Variants in MLYCD observed in about 807,000 individuals in gnomAD.
The protein encoded by MLYCD is malonyl-CoA decarboxylase.
In MLYCD, 27 loss-of-function variants were observed where a neutral mutation model predicts 35.8. That is an observed-to-expected ratio of 0.75 (90% CI 0.56 to 1.04). The LOEUF is 1.04. MLYCD is among the 50% of genes least tolerant of loss of function. The pLI is 0.00. For missense variants in MLYCD, 917 were observed against 665.1 expected, an observed-to-expected ratio of 1.38 and a Z score of -4.17; for synonymous variants, 403 against 302.4, an observed-to-expected ratio of 1.33 and a Z score of -3.45.
chr16:83,916,362 ATGTG>A lies in MLYCD; in HGVS notation c.*877_*880del, dbSNP rs542585376. 1.3e-4 allele frequency: 27 copies of A among 203,988 alleles called. No individual in the cohort carries two copies. Among genetic ancestry groups the A allele is most frequent in the Middle Eastern group, 1.8e-3 (2 of 1,084 alleles). 12.6% of individuals were successfully genotyped at this position (203,988 alleles called of 1,614,324 possible). A position where few individuals can be genotyped will look rare whatever the true frequency, so the allele number is the denominator to read the frequency against. ...GGAAGGCAGTTGTGTTTGTGTGTGT[ATGTG>A]TGTATCAGTGCACATCTGTGTGCAT... On this transcript the variant is annotated 3_prime_UTR_variant, in exon 5 of 5. Transcript: ENST00000262430.
At chr16:83,903,819 C>T (rs1424329918) in intron 1 of MLYCD, among the ~76,000 whole-genome samples, 3 of 152,174 alleles carry the variant, frequency 2.0e-5, no homozygotes, top group African/African-American at 7.2e-5. Context: ...TGTCGCTGCC[C>T]TTAGCATCAC....
At chr16:83,911,282 TACAATTTCAGA>T (rs1645992358) in intron 3 of MLYCD, among the ~76,000 whole-genome samples, 1 of 152,346 alleles carries the variant, frequency 6.6e-6, no homozygotes, top group East Asian at 1.9e-4. Context: ...CCGGCCTCCA[TACAATTTCAGA>T]ACAATTTCAG....
At chr16:83,908,598 C>G (rs558360205) in intron 3 of MLYCD, among the ~76,000 whole-genome samples, 2 of 152,122 alleles carry the variant, frequency 1.3e-5, no homozygotes, top group Admixed American at 6.5e-5. Context: ...GGGACAGATA[C>G]CTGATTCATA....
At position 83,926,613 on chromosome 16, in the gene MLYCD, C is replaced by G. The variant is rs188727491; in HGVS notation, c.*11124C>G. 2.0e-5 allele frequency: 3 copies of G among 152,282 alleles called. No individual in the cohort carries two copies. Among genetic ancestry groups the G allele is most frequent in the African/African-American group, 7.2e-5 (3 of 41,462 alleles). 9.4% of individuals were successfully genotyped at this position (152,282 alleles called of 1,614,324 possible). The stretch of plus-strand genomic sequence containing the variant: ...GGCTGCCCAGCTGTGAACACAAGGA[C>G]ACCTCCGATTTCGTCCTGTGAATGT... On this transcript the variant is annotated 3_prime_UTR_variant, in exon 5 of 5. Coordinates refer to ENST00000262430, the MANE Select transcript of MLYCD (RefSeq NM_012213.3).
At chr16:83,911,269 C>T (rs1476415654) in intron 3 of MLYCD, among the ~76,000 whole-genome samples, 1 of 152,182 alleles carries the variant, frequency 6.6e-6, no homozygotes, top group Non-Finnish European at 1.5e-5. Flanking sequence ...TGAGCCACCG[C>T]GCCCGGCCTC....
At chr16:83,902,760 C>T (rs1263495121) in intron 1 of MLYCD, among the ~76,000 whole-genome samples, 1 of 152,194 alleles carries the variant, frequency 6.6e-6, no homozygotes, top group Non-Finnish European at 1.5e-5. Context: ...CCCGCCTTGG[C>T]CTTCCAAAGT....
chr16:83,907,992 G>C, intron 2 of MLYCD, 134 bp from the exon 3 acceptor site: 1 of 1,158,068 alleles, frequency 8.6e-7, no homozygotes, highest in Non-Finnish European at 1.2e-6. Flanking sequence ...GACTTTCTTT[G>C]AATTTTCCAG....
intron 2 of MLYCD, 105 bp from the exon 3 acceptor site, chr16:83,908,021 T>C (rs1907041050): frequency 1.4e-6 from 2 of 1,428,426 alleles, no homozygotes; most frequent in African/African-American, 1.4e-5. Context: ...ATTAAAGCTC[T>C]ATTTAAAGAA....
intron 4 of MLYCD, chr16:83,914,396 C>T (rs561099966): frequency 1.1e-4 from 19 of 177,248 alleles, no homozygotes; most frequent in Admixed American, 4.3e-4. Context: ...CGGGGCCTCA[C>T]AGGTGGCCAT....
In MLYCD at chr16:83,915,429, C is replaced by G. The variant is rs1482942324; in HGVS notation, c.1422C>G (p.Ile474Met). ...NSTSYLGSKI[I>M]KASEQVLSLV... Reference sequence around the variant, plus strand: ...CCTCCTACCTCGGCTCCAAGATCATCAAAGCCTCTGAGCAGGTCCTCAGCC... The same window carrying G: ...CCTCCTACCTCGGCTCCAAGATCATGAAAGCCTCTGAGCAGGTCCTCAGCC... The change falls in exon 5 of 5, where the codon ATC (isoleucine) becomes ATG (methionine). Residue 474 changes from isoleucine to methionine, a missense_variant. Coordinates refer to ENST00000262430, the MANE Select transcript of MLYCD (RefSeq NM_012213.3). 3 of 1,613,720 alleles carry G rather than the reference C, an allele frequency of 1.9e-6. No individual in the cohort carries two copies. The highest frequency in any genetic ancestry group is 2.5e-6 in the Non-Finnish European group (3 of 1,180,048).
chr16:83,907,022 A>G lies in MLYCD; in HGVS notation c.564A>G (p.Glu188=), dbSNP rs755379866. The stretch of plus-strand genomic sequence containing the variant: ...GGGTGCTGAAAGGAATGCTCTCAGA[A>G]TGGTTTTCCTCCGGGTTCCTGAACC... ...MNGVLKGMLS[E]WFSSGFLNLE... The change falls in exon 2 of 5, where the codon GAA becomes GAG. Residue 188 remains glutamate, a synonymous_variant. Coordinates refer to ENST00000262430, the MANE Select transcript of MLYCD (RefSeq NM_012213.3). 2 of 1,614,186 alleles carry G rather than the reference A, an allele frequency of 1.2e-6. No homozygotes were observed. Among genetic ancestry groups the G allele is most frequent in the Non-Finnish European group, 1.7e-6 (2 of 1,180,036 alleles).
Position 83,902,439 on chromosome 16 carries a change from C to G in MLYCD, c.528+2767C>G, listed in dbSNP as rs76417026. On this transcript the variant is annotated intron_variant, in intron 1 of 4. Transcript: ENST00000262430. Reference sequence around the variant, plus strand: ...GTACCTATAAACTATCAACTGGGATCTGATATTGTAACCTCTCACCAGAAT... The same window carrying G: ...GTACCTATAAACTATCAACTGGGATGTGATATTGTAACCTCTCACCAGAAT... 5.1e-3 allele frequency among the ~76,000 whole-genome samples: 767 copies of G among 150,536 alleles called. 5 individuals carry two copies. Among genetic ancestry groups the G allele is most frequent in the African/African-American group, 0.018 (719 of 40,982 alleles).
At position 83,921,796 on chromosome 16, in the gene MLYCD, C is replaced by G. The variant is rs1176951520; in HGVS notation, c.*6307C>G. On this transcript the variant is annotated 3_prime_UTR_variant, in exon 5 of 5. Coordinates refer to ENST00000262430, the MANE Select transcript of MLYCD (RefSeq NM_012213.3). ...ATTCTTACACATGTCATCTTTCCCA[C>G]AGTGGCAGTGCAGAGGAGACAAAAG... The G allele has an allele frequency of 6.6e-6, 1 of 152,238 alleles. No individual in the cohort carries two copies. The allele number at this position is 152,238 out of a possible 1,614,324, so 9.4% of individuals were successfully genotyped here.
rs1406201947 is a variant in MLYCD, at chr16:83,902,911, T to C, written c.528+3239T>C. On this transcript the variant is annotated intron_variant, in intron 1 of 4. Coordinates refer to ENST00000262430, the MANE Select transcript of MLYCD (RefSeq NM_012213.3). ...CTGAATGTAGAGGAGTTTGGAGGTATGTGTGTCCCTGTGGTTGCATGGTAG... is the reference window on the plus strand; with the variant it reads ...CTGAATGTAGAGGAGTTTGGAGGTACGTGTGTCCCTGTGGTTGCATGGTAG... Among the ~76,000 whole-genome samples the C allele has an allele frequency of 2.0e-5, 3 of 152,142 alleles. No individual in the cohort carries two copies. The East Asian group carries it at 5.8e-4, about 29-fold the overall frequency.
At chr16:83,912,155 G>T (rs1907201562) in intron 3 of MLYCD, 63 bp from the exon 4 acceptor site, 6 of 1,609,436 alleles carry the variant, frequency 3.7e-6, no homozygotes, top group Non-Finnish European at 5.1e-6. Flanking sequence ...CCCAGCAACA[G>T]GCTTGCCTCG....
At chr16:83,909,284 C>A (rs1008856250) in intron 3 of MLYCD, among the ~76,000 whole-genome samples, 3 of 152,164 alleles carry the variant, frequency 2.0e-5, no homozygotes, top group African/African-American at 7.2e-5. Flanking sequence ...ATGGCTATTC[C>A]TGCAGCATTG....
intron 1 of MLYCD, among the ~76,000 whole-genome samples, chr16:83,901,761 G>T (rs1479137399): frequency 2.0e-5 from 3 of 152,174 alleles, no homozygotes; most frequent in East Asian, 1.9e-4. Context: ...CTGGCCCCTG[G>T]GAAATACAGA....
At position 83,915,172 on chromosome 16, in the gene MLYCD, A is replaced by C; in HGVS notation, c.1165A>C (p.Lys389Gln). The stretch of plus-strand genomic sequence containing the variant: ...CAGCAGCGAGTGGGTGCAGTCGGAG[A>C]AGCTGGTGCGGGCGCTGCAGACTCC... ...LSSSEWVQSE[K>Q]LVRALQTPLM... is the part of the protein sequence containing the mutation. The change falls in exon 5 of 5, where the codon AAG becomes CAG. Residue 389 changes from lysine (K) to glutamine (Q), a missense_variant. Physicochemically the swap from Lys to Gln is moderately conservative, Grantham distance 53. Transcript: ENST00000262430. The C allele has an allele frequency of 6.2e-7, 1 of 1,614,144 alleles. No individual in the cohort carries two copies. Among genetic ancestry groups the C allele is most frequent in the Middle Eastern group, 1.7e-4 (1 of 6,060 alleles).
chr16:83,910,716 A>T (rs550748519), intron 3 of MLYCD, among the ~76,000 whole-genome samples: 150 of 150,912 alleles, frequency 9.9e-4, no homozygotes, highest in Admixed American at 2.2e-3. Flanking sequence ...AAGAAAGGAG[A>T]TAAGCCTGGG....
Sources: gnomAD v4.1 joint callset for allele counts (sites outside exome capture counted in the v4.1 genomes callset) on GRCh38, gnomAD v4.1.1 for gene constraint, MANE v1.5 for transcripts, NCBI Gene and HGNC (gene_info 2026-07-23, HGNC 2026-07-21) for gene names.